The following ANK3 variants were observed in gnomAD, a reference collection of about 807,000 sequenced individuals.
ANK3 encodes the protein ankyrin 3, also known as ankyrin-3.
ANK3 carries 57 observed loss-of-function variants against 370.9 expected under a neutral mutation model. The ratio of observed to expected loss-of-function variants is 0.15; its 90% CI spans 0.12 to 0.19. The LOEUF (loss-of-function observed/expected upper bound fraction) is 0.19, where lower values mean the gene tolerates loss of function less well. Among genes scored for constraint, ANK3 ranks in the 10% least tolerant of loss-of-function variants. The pLI, the probability that ANK3 is intolerant of heterozygous loss-of-function variation, is 1.00. For missense variants in ANK3, 4,439 were observed against 5,302.1 expected (o/e 0.84, Z 5.06); for synonymous variants, 1,929 against 1,946.3 (o/e 0.99, Z 0.23).
chr10:60,638,654 A>C (rs193156334), intron 1 of ANK3, among the ~76,000 whole-genome samples: 1 of 152,102 alleles, frequency 6.6e-6, no homozygotes, highest in Non-Finnish European at 1.5e-5. Flanking sequence ...ATAAAGGAAA[A>C]TACAACCATA....
At chr10:60,322,010 A>G (rs1464255583) in intron 1 of ANK3, among the ~76,000 whole-genome samples, 3 of 152,118 alleles carry the variant, frequency 2.0e-5, no homozygotes, top group Non-Finnish European at 4.4e-5. Flanking sequence ...TTGTAACATA[A>G]TATTTTACTG....
Position 60,069,675 on chromosome 10 carries a change from C to G in ANK3, c.11206G>C (p.Glu3736Gln). 6.2e-7 allele frequency: 1 copy of G among 1,614,082 alleles called. No individual in the cohort carries two copies. Among genetic ancestry groups the G allele is most frequent in the East Asian group, 2.2e-5 (1 of 44,864 alleles). Residue 3736 changes from glutamate (E) to glutamine (Q), a missense_variant, in exon 37 of 44, where the codon GAA becomes CAA. By Grantham distance (29) the Glu-to-Gln change is conservative. Coordinates refer to ENST00000280772, the MANE Select transcript of ANK3 (RefSeq NM_020987.5). ...TTATCTGTTATTTCTCCAGGGCCTT[C>G]TTTCTTCATGGTCATGGTGGATGCA... ...ISASTMTMKK[E>Q]GPGEITDKIE...
At chr10:60,562,827 G>T (rs933749133) in intron 2 of ANK3, among the ~76,000 whole-genome samples, 1 of 152,132 alleles carries the variant, frequency 6.6e-6, no homozygotes, top group South Asian at 2.1e-4. Flanking sequence ...ATCCATAGAT[G>T]GGAATTTTTG....
At chr10:60,352,283 C>G (rs971795507) in intron 1 of ANK3, among the ~76,000 whole-genome samples, 4 of 152,100 alleles carry the variant, frequency 2.6e-5, no homozygotes, top group Admixed American at 1.3e-4. Flanking sequence ...CTGGGTGACA[C>G]AGCAAGACTC....
intron 2 of ANK3, among the ~76,000 whole-genome samples, chr10:60,527,888 G>A (rs1386787585): frequency 6.6e-6 from 1 of 151,994 alleles, no homozygotes; most frequent in East Asian, 1.9e-4. Context: ...ACTACCTGAG[G>A]CAGCCAGTCA....
chr10:60,095,008 G>C (rs2089793270), intron 28 of ANK3, among the ~76,000 whole-genome samples: 1 of 152,238 alleles, frequency 6.6e-6, no homozygotes, highest in Admixed American at 6.5e-5. Context: ...CAGCTGGAGA[G>C]AGGCCCCAAG....
At chr10:60,451,947 C>T (rs542289902) in intron 2 of ANK3, among the ~76,000 whole-genome samples, 79 of 152,234 alleles carry the variant, frequency 5.2e-4, no homozygotes, top group Non-Finnish European at 1.0e-3. Flanking sequence ...GGAAAGGTTA[C>T]TTCTAGAAAC....
At chr10:60,355,271 G>A (rs192176229) in intron 1 of ANK3, among the ~76,000 whole-genome samples, 186 of 152,186 alleles carry the variant, frequency 1.2e-3, no homozygotes, top group African/African-American at 4.2e-3. Context: ...TCTCCAAAAA[G>A]TTTAATTGAA....
chr10:60,117,495 C>G (rs971219288), intron 25 of ANK3, among the ~76,000 whole-genome samples: 4 of 152,030 alleles, frequency 2.6e-5, no homozygotes, highest in African/African-American at 9.7e-5. Flanking sequence ...TGAAAAAACT[C>G]CAGGGAAAAT....
chr10:60,617,775 T>C (rs1269224623), intron 1 of ANK3, among the ~76,000 whole-genome samples: 2 of 152,212 alleles, frequency 1.3e-5, no homozygotes, highest in African/African-American at 4.8e-5. Context: ...TGTTTGTTCT[T>C]TACACAGGCC....
intron 2 of ANK3, among the ~76,000 whole-genome samples, chr10:60,506,904 C>G (rs943399373): frequency 6.6e-6 from 1 of 151,836 alleles, no homozygotes; most frequent in Non-Finnish European, 1.5e-5. Flanking sequence ...GCAAATACTA[C>G]GTGGGAAAAA....
intron 1 of ANK3, among the ~76,000 whole-genome samples, chr10:60,698,824 G>A (rs1297692022): frequency 6.6e-6 from 1 of 150,918 alleles, no homozygotes; most frequent in Non-Finnish European, 1.5e-5. Context: ...AGTGGGTGCA[G>A]TGCACCAGCA....
Position 60,466,384 on chromosome 10 carries a change from T to C in ANK3, c.96+148802A>G, listed in dbSNP as rs531959273. ...GATGCCAATAACGCCCTAATCACTTTACATGTTTGCCTTGTTTAATCTTCA... is the reference window on the plus strand; with the variant it reads ...GATGCCAATAACGCCCTAATCACTTCACATGTTTGCCTTGTTTAATCTTCA... On this transcript the variant is annotated intron_variant, in intron 2 of 43. Coordinates refer to the ANK3 transcript ENST00000373827. Among the ~76,000 whole-genome samples, 223 of 152,290 alleles carry C rather than the reference T, an allele frequency of 1.5e-3. 1 individual carries two copies. The highest frequency in any genetic ancestry group is 5.2e-3 in the African/African-American group (216 of 41,560).
intron 2 of ANK3, chr10:60,507,887 T>C (rs1333611378): frequency 6.6e-6 from 1 of 152,138 alleles, no homozygotes; most frequent in Non-Finnish European, 1.5e-5. Flanking sequence ...CATTCCTATT[T>C]AGCTTAAAAT....
At chr10:60,617,953 G>C (rs2078286541) in intron 1 of ANK3, among the ~76,000 whole-genome samples, 1 of 152,124 alleles carries the variant, frequency 6.6e-6, no homozygotes. Context: ...AAAGAGCAAA[G>C]CTTCTAGAGG....
chr10:60,469,706 A>T (rs2065167428), intron 2 of ANK3, among the ~76,000 whole-genome samples: 1 of 128,346 alleles, frequency 7.8e-6, no homozygotes. Context: ...TAGTGGTCCT[A>T]TATGCCATTT....
At chr10:60,434,961 C>T (rs1157792689) in intron 2 of ANK3, among the ~76,000 whole-genome samples, 1 of 152,082 alleles carries the variant, frequency 6.6e-6, no homozygotes, top group Non-Finnish European at 1.5e-5. Flanking sequence ...TGTGAAAATG[C>T]CCAACAGAAG....
intron 7 of ANK3, among the ~76,000 whole-genome samples, chr10:60,254,377 C>T (rs1249303189): frequency 2.6e-5 from 4 of 152,022 alleles, no homozygotes; most frequent in East Asian, 1.9e-4. Context: ...CTCCAAAAGC[C>T]CTACACCCTT....
At chr10:60,562,385 A>G (rs1363499867) in intron 2 of ANK3, among the ~76,000 whole-genome samples, 4 of 147,692 alleles carry the variant, frequency 2.7e-5, no homozygotes, top group African/African-American at 1.0e-4. Flanking sequence ...TGTTAACAAT[A>G]TGTCTTAAGG....
Sources: gnomAD v4.1 joint callset for allele counts (sites outside exome capture counted in the v4.1 genomes callset) on GRCh38, gnomAD v4.1.1 for gene constraint, MANE v1.5 for transcripts, NCBI Gene and HGNC (gene_info 2026-07-23, HGNC 2026-07-21) for gene names.